Variants in COL14A1 observed in about 807,000 individuals in gnomAD.
The protein encoded by COL14A1 is collagen alpha-1(XIV) chain.
A neutral mutation model predicts 230.3 loss-of-function variants in COL14A1; 136 were observed. The ratio of observed to expected loss-of-function variants is 0.59; its 90% CI spans 0.51 to 0.68. The LOEUF (loss-of-function observed/expected upper bound fraction) is 0.68, where lower values mean the gene tolerates loss of function less well. Ranked by LOEUF, COL14A1 falls within the 30% of genes least tolerant of loss-of-function variation. COL14A1 has a pLI of 0.00. For synonymous variants in COL14A1, 792 were observed against 784.1 expected (o/e 1.01, Z -0.17); for missense variants, 1,976 against 2,215.8 (o/e 0.89, Z 2.17).
chr8:120,254,839 A>AAT (rs1819089530), intron 22 of COL14A1, among the ~76,000 whole-genome samples: 1 of 151,510 alleles, frequency 6.6e-6, no homozygotes, highest in Non-Finnish European at 1.5e-5. Context: ...AAAAAAAAAA[A>AAT]AAATTAGCTG....
At position 120,332,164 on chromosome 8, in the gene COL14A1, C is replaced by T; in HGVS notation, c.4683C>T (p.Ser1561=). The stretch of plus-strand genomic sequence containing the variant: ...AGGGCCTTCCGGGAAAGGATGGATC[C>T]TCGGGACCTCCAGGACCACCAGGGC... ...GQRGLPGKDG[S]SGPPGPPGPI... The change falls in exon 41 of 48, where the codon TCC becomes TCT. Residue 1561 remains serine (S), a synonymous_variant. Transcript: ENST00000297848. The T allele has an allele frequency of 6.2e-7, 1 of 1,614,062 alleles. No individual in the cohort carries two copies. The highest frequency in any genetic ancestry group is 8.5e-7 in the Non-Finnish European group (1 of 1,179,960).
Position 120,234,390 on chromosome 8 carries a change from C to T in COL14A1, c.2349+2772C>T, listed in dbSNP as rs905323271. On this transcript the variant is annotated intron_variant, in intron 19 of 47. Transcript: ENST00000297848. ...GAGATAGGGCATCCTTGTCTTGTGC[C>T]GATTTTCAAAGGGAATGCTTCCAGC... Among the ~76,000 whole-genome samples the T allele has an allele frequency of 6.6e-5, 10 of 152,128 alleles. No individual in the cohort carries two copies. In the South Asian group the frequency reaches 8.3e-4, roughly 13 times the overall value.
At position 120,309,510 on chromosome 8, in the gene COL14A1, T is replaced by C. The variant is rs1005042078; in HGVS notation, c.4402-499T>C. On this transcript the variant is annotated intron_variant, in intron 36 of 47. Transcript: ENST00000297848. Reference sequence around the variant, plus strand: ...CTATTAAATAATAGTCTAGATAATATGGCAAAAGTTTTGAGGGGAAATATG... The same window carrying C: ...CTATTAAATAATAGTCTAGATAATACGGCAAAAGTTTTGAGGGGAAATATG... Among the ~76,000 whole-genome samples, 69 of 152,096 alleles carry C rather than the reference T, an allele frequency of 4.5e-4. 1 individual carries two copies. The highest frequency in any genetic ancestry group is 1.6e-3 in the African/African-American group (65 of 41,414).
At position 120,199,554 on chromosome 8, in the gene COL14A1, C is replaced by G; in HGVS notation, c.865C>G (p.Leu289Val). The G allele has an allele frequency of 6.2e-7, 1 of 1,612,062 alleles. No individual in the cohort carries two copies. Among genetic ancestry groups the G allele is most frequent in the Non-Finnish European group, 8.5e-7 (1 of 1,179,194 alleles). ...SRNLRESGVE[L>V]FAIGVKNADV... ...AAATCTTCGTGAGTCTGGTGTAGAA[C>G]TGTTTGCCATAGGTATGTGCTCTTT... The change falls in exon 8 of 48, where the codon CTG becomes GTG. Residue 289 changes from leucine to valine, a missense_variant. Around this residue, in one of 3 missense-constraint regions of COL14A1, gnomAD observed 1,791 missense variants for 2,019.5 expected, o/e 0.89. Coordinates refer to ENST00000297848, the MANE Select transcript of COL14A1 (RefSeq NM_021110.4).
intron 1 of COL14A1, among the ~76,000 whole-genome samples, chr8:120,144,346 C>T (rs4407921): frequency 0.37 from 56,917 of 151,812 alleles, 11,738 homozygotes; most frequent in East Asian, 0.57. Flanking sequence ...TTAAAAAAAG[C>T]GATAATTGCC....
rs16893715 is a variant in COL14A1, at chr8:120,243,608, C to G, written c.2350-271C>G. On this transcript the variant is annotated intron_variant, in intron 19 of 47. Transcript: ENST00000297848. The stretch of plus-strand genomic sequence containing the variant: ...ATTATTCTCTCTTCTGGATACTTTA[C>G]AAATGCCAAGAAGATGTTGAGAGAA... Among the ~76,000 whole-genome samples, 1,372 of 152,300 alleles carry G rather than the reference C, an allele frequency of 9.0e-3. 24 individuals carry two copies. The highest frequency in any genetic ancestry group is 0.032 in the African/African-American group (1,331 of 41,554).
intron 1 of COL14A1, among the ~76,000 whole-genome samples, chr8:120,145,090 T>C (rs1467899434): frequency 6.6e-6 from 1 of 152,162 alleles, no homozygotes; most frequent in Non-Finnish European, 1.5e-5. Flanking sequence ...GAACAGTTAT[T>C]TTGTTTAAAA....
At chr8:120,242,873 A>G (rs1401027967) in intron 19 of COL14A1, among the ~76,000 whole-genome samples, 1 of 152,156 alleles carries the variant, frequency 6.6e-6, no homozygotes, top group Non-Finnish European at 1.5e-5. Context: ...GGCTTATTCC[A>G]TGATTTATAG....
rs771823404 is a variant in COL14A1, at chr8:120,289,719, C to T, written c.4189C>T (p.Leu1397=). 1.9e-6 allele frequency: 3 copies of T among 1,613,748 alleles called. 1 individual carries two copies. Among genetic ancestry groups the T allele is most frequent in the Non-Finnish European group, 2.5e-6 (3 of 1,179,824 alleles). ...TATCACGTCAGATGGTGTAGAAGTGCTAGGGAAAATGGTTCGATCAAGAGG... is the reference window on the plus strand; with the variant it reads ...TATCACGTCAGATGGTGTAGAAGTGTTAGGGAAAATGGTTCGATCAAGAGG... ...ANITSDGVEV[L]GKMVRSRGPG... is the part of the protein sequence containing the mutation. Residue 1397 remains leucine (L), a synonymous_variant, in exon 34 of 48, where the codon CTA becomes TTA. Transcript: ENST00000297848.
At chr8:120,124,656 C>T (rs921398358), upstream of COL14A1, among the ~76,000 whole-genome samples, 3 of 152,136 alleles carry the variant, frequency 2.0e-5, no homozygotes, top group South Asian at 2.1e-4. Context: ...AGAGGAGGCT[C>T]GAAGGGGGCC....
intron 40 of COL14A1, among the ~76,000 whole-genome samples, chr8:120,321,932 G>C: frequency 6.6e-6 from 1 of 152,034 alleles, no homozygotes; most frequent in Non-Finnish European, 1.5e-5. Context: ...AACCAGCTAG[G>C]TTTTGGAATT....
intron 34 of COL14A1, among the ~76,000 whole-genome samples, chr8:120,295,191 T>A (rs943405805): frequency 6.6e-6 from 1 of 152,032 alleles, no homozygotes; most frequent in East Asian, 1.9e-4. Context: ...TATCCAATGC[T>A]GTCATAATGG....
In COL14A1 at chr8:120,313,896, T is replaced by C. The variant is rs1219684587; in HGVS notation, c.4456-36T>C. 8.8e-6 allele frequency: 12 copies of C among 1,359,870 alleles called. No individual in the cohort carries two copies. In the Admixed American group the frequency reaches 2.3e-4, roughly 26 times the overall value. 84.2% of individuals were successfully genotyped at this position (1,359,870 alleles called of 1,614,324 possible). ...TTTTCTAGATGTCAGAGAGTCTAACTTACTTTTAGGATGATACTTCTCTCT... is the reference window on the plus strand; with the variant it reads ...TTTTCTAGATGTCAGAGAGTCTAACCTACTTTTAGGATGATACTTCTCTCT... On this transcript the variant is annotated intron_variant, in intron 37 of 47. Coordinates refer to ENST00000297848, the MANE Select transcript of COL14A1 (RefSeq NM_021110.4).
intron 2 of COL14A1, among the ~76,000 whole-genome samples, chr8:120,148,941 C>T (rs1815183615): frequency 6.6e-6 from 1 of 152,168 alleles, no homozygotes; most frequent in South Asian, 2.1e-4. Flanking sequence ...TAGTGGCGCA[C>T]GTCATGCACA....
At chr8:120,223,764 C>T (rs776214897) in intron 14 of COL14A1, among the ~76,000 whole-genome samples, 1 of 152,132 alleles carries the variant, frequency 6.6e-6, no homozygotes, top group Non-Finnish European at 1.5e-5. Context: ...AGAGGTTGCT[C>T]TCAGGTAAAT....
chr8:120,150,050 G>T (rs1169227885), intron 2 of COL14A1, among the ~76,000 whole-genome samples: 4 of 152,134 alleles, frequency 2.6e-5, no homozygotes, highest in Admixed American at 1.3e-4. Context: ...TCAAGTTCAA[G>T]ATACAAAGCT....
intron 20 of COL14A1, among the ~76,000 whole-genome samples, chr8:120,246,553 A>T (rs1449472971): frequency 1.3e-5 from 2 of 152,236 alleles, no homozygotes; most frequent in African/African-American, 4.8e-5. Context: ...TTACCTAGCG[A>T]GGTAAATACT....
intron 19 of COL14A1, among the ~76,000 whole-genome samples, chr8:120,235,141 T>C (rs1818399437): frequency 6.6e-6 from 1 of 152,178 alleles, no homozygotes; most frequent in African/African-American, 2.4e-5. Context: ...TTTGTATTTC[T>C]GTGGGATCAA....
intron 17 of COL14A1, 142 bp downstream of exon 17, chr8:120,227,494 C>A: frequency 9.8e-7 from 1 of 1,021,414 alleles, no homozygotes; most frequent in African/African-American, 1.6e-5. Context: ...CATATATCTT[C>A]ACTTTCAATG....
Sources: gnomAD v4.1 joint callset for allele counts (sites outside exome capture counted in the v4.1 genomes callset) on GRCh38, gnomAD v4.1.1 for gene constraint, gnomAD v4.1.1 regional missense constraint, MANE v1.5 for transcripts, NCBI Gene and HGNC (gene_info 2026-07-23, HGNC 2026-07-21) for gene names.